The following AMACR variants were observed in gnomAD, a reference collection of about 807,000 sequenced individuals.
AMACR encodes the protein 2-methylacyl-CoA racemase.
A neutral mutation model predicts 22.2 loss-of-function variants in AMACR; 18 were observed. The ratio of observed to expected loss-of-function variants is 0.81; its 90% confidence interval spans 0.56 to 1.20. AMACR has a LOEUF of 1.20. AMACR is among the 50% of genes most tolerant of loss of function. The probability of loss-of-function intolerance (pLI) is 0.00; values close to 1 mark genes in which losing one functional copy is unlikely to be tolerated. For synonymous variants in AMACR, 213 were observed against 191.3 expected, an observed-to-expected ratio of 1.11 and a Z score of -0.94; for missense variants, 499 against 490.6, an observed-to-expected ratio of 1.02 and a Z score of -0.16.
At position 33,995,033 on chromosome 5, in the gene AMACR, A is replaced by C. The variant is rs77128722; in HGVS notation, c.739+3608T>G. Among the ~76,000 whole-genome samples the C allele has an allele frequency of 6.5e-3, 996 of 152,318 alleles. 12 individuals carry two copies. Among genetic ancestry groups the C allele is most frequent in the African/African-American group, 0.022 (934 of 41,570 alleles). ...CATGGTCTGAAAATACTGAATGAAA[A>C]ATTCCAGAAATAAACAATTCATAAA... On this transcript the variant is annotated intron_variant, in intron 4 of 4. Coordinates refer to ENST00000335606, the MANE Select transcript of AMACR (RefSeq NM_014324.6).
At chr5:33,997,243 T>C (rs1753667707) in intron 4 of AMACR, 1 of 770,226 alleles carries the variant, frequency 1.3e-6, no homozygotes, top group Non-Finnish European at 2.4e-6. Context: ...AGCTTCTTGA[T>C]CCTTTCTTTA....
intron 3 of AMACR, among the ~76,000 whole-genome samples, chr5:34,001,793 C>G (rs1375884109): frequency 6.6e-6 from 1 of 152,146 alleles, no homozygotes; most frequent in African/African-American, 2.4e-5. Context: ...ACTTTCGGCC[C>G]ATTAGAAGGT....
At chr5:34,000,783 A>G (rs1274160623) in intron 3 of AMACR, among the ~76,000 whole-genome samples, 1 of 152,238 alleles carries the variant, frequency 6.6e-6, no homozygotes, top group Non-Finnish European at 1.5e-5. Context: ...AATCACCCAT[A>G]AACTCTAACT....
chr5:34,005,629 C>A, intron 2 of AMACR, 127 bp downstream of exon 2: 1 of 1,153,268 alleles, frequency 8.7e-7, no homozygotes, highest in Non-Finnish European at 1.2e-6. Context: ...TTTTGAACAC[C>A]CATGCTCTCT....
Position 33,988,961 on chromosome 5 carries a change from G to A in AMACR, c.*132C>T. Reference sequence around the variant, plus strand: ...AATCATCACTGTAGAATCAGAGTCTGTAATTCTTTTCTTGATTAGAGTGGT... The same window carrying A: ...AATCATCACTGTAGAATCAGAGTCTATAATTCTTTTCTTGATTAGAGTGGT... On this transcript the variant is annotated 3_prime_UTR_variant, in exon 5 of 5. Transcript: ENST00000335606. 6.6e-7 allele frequency: 1 copy of A among 1,508,698 alleles called. No homozygotes were observed. Among genetic ancestry groups the A allele is most frequent in the Non-Finnish European group, 8.8e-7 (1 of 1,131,060 alleles). 93.5% of individuals were successfully genotyped at this position (1,508,698 alleles called of 1,614,324 possible).
At chr5:33,998,937 G>A (rs1450258791) in intron 3 of AMACR, 110 bp from the exon 4 acceptor site, 1 of 978,322 alleles carries the variant, frequency 1.0e-6, no homozygotes, top group Non-Finnish European at 1.6e-6. Flanking sequence ...TTATCTTAGA[G>A]TATACGAAGA....
rs200824585 is a variant in AMACR, at chr5:33,998,666, G to A, written c.714C>T (p.Pro238=). 6.2e-7 allele frequency: 1 copy of A among 1,611,674 alleles called. No individual in the cohort carries two copies. ...CTTTGATCAGCAGCTCGTAGAACTG[G>A]GGTTCTATTGCTCCAACAGCCATGA... ...GEFMAVGAIE[P]QFYELLIKGL... The change falls in exon 4 of 5, where the codon CCC becomes CCT. Residue 238 remains proline, a synonymous_variant. Transcript: ENST00000335606.
intron 3 of AMACR, among the ~76,000 whole-genome samples, chr5:33,999,723 T>C (rs1254771717): frequency 6.6e-6 from 1 of 152,234 alleles, no homozygotes; most frequent in Non-Finnish European, 1.5e-5. Context: ...ATTTCTCAGT[T>C]ACTGACTGTG....
Position 34,007,946 on chromosome 5 carries a change from G to A in AMACR, c.74C>T (p.Ala25Val), listed in dbSNP as rs1212354357. Residue 25 changes from alanine to valine, a missense_variant, in exon 1 of 5, where the codon GCT becomes GTT. Coordinates refer to ENST00000335606, the MANE Select transcript of AMACR (RefSeq NM_014324.6). ...GCGTACCACACGCGCCCCGAAGTCAGCCAGGACCATAGCACAGAACGGGCC... is the reference window on the plus strand; with the variant it reads ...GCGTACCACACGCGCCCCGAAGTCAACCAGGACCATAGCACAGAACGGGCC... Reference protein sequence around the residue: ...APGPFCAMVLADFGARVVRVD... With the variant: ...APGPFCAMVLVDFGARVVRVD... The A allele has an allele frequency of 6.2e-7, 1 of 1,611,330 alleles. No individual in the cohort carries two copies. Among genetic ancestry groups the A allele is most frequent in the South Asian group, 1.1e-5 (1 of 91,048 alleles).
At position 34,005,841 on chromosome 5, in the gene AMACR, A is replaced by C; in HGVS notation, c.306T>G (p.Leu102=). ...CAAATCCACTCAGCCTGGCATAAAT[A>C]AGCCTTGGATTTTCCCGCTGCAGAA... ...PEILQRENPR[L]IYARLSGFGQ... The change falls in exon 2 of 5, where the codon CTT becomes CTG. Residue 102 remains leucine, a synonymous_variant. Transcript: ENST00000335606. 1 of 1,614,168 alleles carries C rather than the reference A, an allele frequency of 6.2e-7. No homozygotes were observed. Among genetic ancestry groups the C allele is most frequent in the Non-Finnish European group, 8.5e-7 (1 of 1,180,024 alleles).
In AMACR at chr5:34,005,749, A is replaced by T; in HGVS notation, c.391+7T>A. 6.2e-7 allele frequency: 1 copy of T among 1,614,014 alleles called. No individual in the cohort carries two copies. Among genetic ancestry groups the T allele is most frequent in the Non-Finnish European group, 8.5e-7 (1 of 1,180,018 alleles). ...AAAAGTGTAGACTAAATTTTTTTTC[A>T]ACATACCTGACAAAGCCAAATAGTT... is the stretch of plus-strand genomic sequence containing the variant. On this transcript the variant is annotated splice_region_variant and intron_variant, in intron 2 of 4. Transcript: ENST00000335606.
chr5:33,996,753 C>A (rs1169692669), intron 4 of AMACR, among the ~76,000 whole-genome samples: 1 of 151,810 alleles, frequency 6.6e-6, no homozygotes, highest in Non-Finnish European at 1.5e-5. Context: ...GCCTTGGCAA[C>A]AGAGTGAGAC....
At chr5:33,995,902 T>C (rs956052657) in intron 4 of AMACR, among the ~76,000 whole-genome samples, 1 of 152,206 alleles carries the variant, frequency 6.6e-6, no homozygotes, top group African/African-American at 2.4e-5. Flanking sequence ...GTGAGCTTTG[T>C]GGTGTTAGAA....
intron 4 of AMACR, among the ~76,000 whole-genome samples, chr5:33,995,914 T>C (rs1753618745): frequency 6.6e-6 from 1 of 152,196 alleles, no homozygotes; most frequent in East Asian, 1.9e-4. Flanking sequence ...GTGTTAGAAC[T>C]TGTGCTAATT....
chr5:33,992,603 G>A (rs1221183743), intron 4 of AMACR, among the ~76,000 whole-genome samples: 3 of 152,140 alleles, frequency 2.0e-5, no homozygotes, highest in East Asian at 3.9e-4. Context: ...CCAGCTACAC[G>A]AGAGGCTGAA....
At chr5:34,007,655 C>G (rs1754025012) in intron 1 of AMACR, 118 bp downstream of exon 1, 4 of 1,383,708 alleles carry the variant, frequency 2.9e-6, no homozygotes, top group South Asian at 3.0e-5. Context: ...AGGCTGGGGC[C>G]GACAAGGGTT....
chr5:33,993,538 G>A (rs1380673355), intron 4 of AMACR, among the ~76,000 whole-genome samples: 1 of 152,104 alleles, frequency 6.6e-6, no homozygotes, highest in Non-Finnish European at 1.5e-5. Flanking sequence ...ACTCTCATTG[G>A]TAATACACAA....
In AMACR at chr5:33,997,492, T is replaced by C. The variant is rs369691360; in HGVS notation, c.739+1149A>G. 20 of 780,120 alleles carry C rather than the reference T, an allele frequency of 2.6e-5. 1 individual carries two copies. Among genetic ancestry groups the C allele is most frequent in the African/African-American group, 2.2e-4 (13 of 59,282 alleles). 48.3% of individuals were successfully genotyped at this position (780,120 alleles called of 1,614,324 possible). On this transcript the variant is annotated intron_variant, in intron 4 of 4. Coordinates refer to ENST00000335606, the MANE Select transcript of AMACR (RefSeq NM_014324.6). ...TGGCACGATACTGCTTCCTGTTGTA[T>C]TTTCAGCAAGATCAGTTCTCCCAGA...
intron 4 of AMACR, among the ~76,000 whole-genome samples, chr5:33,993,254 T>C (rs1753538383): frequency 6.6e-6 from 1 of 152,240 alleles, no homozygotes; most frequent in African/African-American, 2.4e-5. Flanking sequence ...TGTTGGAATT[T>C]TCTTGTTTTT....
Sources: allele counts gnomAD v4.1 joint callset (sites outside exome capture counted in the v4.1 genomes callset), GRCh38; gene constraint gnomAD v4.1.1; transcripts MANE v1.5; gene names NCBI Gene and HGNC (gene_info 2026-07-23, HGNC 2026-07-21).